The following ICAM1 variants were observed in gnomAD, a reference collection of about 807,000 sequenced individuals.
ICAM1 encodes intercellular adhesion molecule 1, also known as ICAM-1.
Under a neutral mutation model 42.3 loss-of-function variants are expected in ICAM1, and 28 were observed. The observed-to-expected ratio is 0.66, with a 90% confidence interval of 0.49 to 0.91. The LOEUF (loss-of-function observed/expected upper bound fraction) is 0.91. ICAM1 is among the 40% of genes least tolerant of loss of function. The probability of loss-of-function intolerance (pLI) is 0.00; values close to 1 mark genes in which losing one functional copy is unlikely to be tolerated. For missense variants in ICAM1, 637 were observed against 688.6 expected (o/e 0.93, Z 0.84); for synonymous variants, 304 against 305.9 (o/e 0.99, Z 0.07).
intron 2 of ICAM1, among the ~76,000 whole-genome samples, chr19:10,281,108 C>T (rs1393214266): frequency 2.0e-5 from 3 of 150,198 alleles, no homozygotes; most frequent in Non-Finnish European, 1.5e-5. Context: ...CTCCTGACCT[C>T]GTGATCCGCC....
chr19:10,284,195 A>C lies in ICAM1; in HGVS notation c.800A>C (p.Asn267Thr), dbSNP rs755625816. The C allele has an allele frequency of 5.0e-6, 8 of 1,613,998 alleles. No homozygotes were observed. Among genetic ancestry groups the C allele is most frequent in the Non-Finnish European group, 6.8e-6 (8 of 1,180,000 alleles). The change falls in exon 4 of 7, where the codon AAC becomes ACC. Residue 267 changes from asparagine to threonine, a missense_variant. By Grantham distance (65) the Asn-to-Thr change is moderately conservative. Coordinates refer to ENST00000264832, the MANE Select transcript of ICAM1 (RefSeq NM_000201.3). The surrounding 1 kb of genome is among the most constrained non-coding windows in gnomAD (Gnocchi z 5.4). The stretch of plus-strand genomic sequence containing the variant: ...TTGAACCCCACAGTCACCTATGGCA[A>C]CGACTCCTTCTCGGCCAAGGCCTCA... Reference protein sequence around the residue: ...QRLNPTVTYGNDSFSAKASVS... With the variant: ...QRLNPTVTYGTDSFSAKASVS...
intron 2 of ICAM1, 171 bp from the exon 3 acceptor site, chr19:10,283,310 G>A: frequency 1.7e-6 from 1 of 601,778 alleles, no homozygotes; most frequent in Non-Finnish European, 2.9e-6. Flanking sequence ...AAACACTCGG[G>A]GCCCTCTTAC....
In ICAM1 at chr19:10,274,703, C is replaced by T. The variant is rs536424478; in HGVS notation, c.68-62C>T. On this transcript the variant is annotated intron_variant, in intron 1 of 6. Transcript: ENST00000264832. ...CCTCCAGCACCCAGCACAGGCTGGG[C>T]GCACATTCCCTTGATGAACCTGATT... 317 of 1,556,400 alleles carry T rather than the reference C, an allele frequency of 2.0e-4. 5 individuals are homozygous for T. The South Asian group carries it at 3.4e-3, about 17-fold the overall frequency.
Position 10,285,692 on chromosome 19 carries a change from T to C in ICAM1, c.*405T>C, listed in dbSNP as rs1300456967. ...GACTTACAGAAGAAGTGGCCCTCCATAGACATGTGTAGCATCAAAACACAA... is the reference window on the plus strand; with the variant it reads ...GACTTACAGAAGAAGTGGCCCTCCACAGACATGTGTAGCATCAAAACACAA... On this transcript the variant is annotated 3_prime_UTR_variant, in exon 7 of 7. Transcript: ENST00000264832. 5.3e-6 allele frequency: 1 copy of C among 187,462 alleles called. No individual in the cohort carries two copies. The highest frequency in any genetic ancestry group is 5.4e-5 in the Admixed American group (1 of 18,570). The allele number at this position is 187,462 out of a possible 1,614,324, so 11.6% of individuals were successfully genotyped here.
intron 2 of ICAM1, among the ~76,000 whole-genome samples, chr19:10,276,800 C>A (rs62130661): frequency 6.6e-6 from 1 of 151,164 alleles, no homozygotes; most frequent in African/African-American, 2.4e-5. Context: ...GGAGAAACCC[C>A]GTCTCTATTA....
chr19:10,281,095 G>C (rs185855646), intron 2 of ICAM1, among the ~76,000 whole-genome samples: 4,497 of 150,730 alleles, frequency 0.03, 99 homozygotes, highest in Non-Finnish European at 0.04. Flanking sequence ...GGATGGTCTT[G>C]ATCTCCTGAC....
intron 2 of ICAM1, among the ~76,000 whole-genome samples, chr19:10,276,517 C>T (rs2040018162): frequency 6.8e-6 from 1 of 146,496 alleles, no homozygotes; most frequent in Non-Finnish European, 1.5e-5. Context: ...TGCACTCCAG[C>T]CTGGGCGACA....
intron 2 of ICAM1, among the ~76,000 whole-genome samples, chr19:10,276,709 C>A (rs910186809): frequency 1.3e-5 from 2 of 151,996 alleles, no homozygotes; most frequent in African/African-American, 2.4e-5. Flanking sequence ...CGGTGGCTCA[C>A]GCCTGTAATC....
At position 10,285,516 on chromosome 19, in the gene ICAM1, A is replaced by C. The variant is rs1306614586; in HGVS notation, c.*229A>C. The C allele has an allele frequency of 3.7e-6, 2 of 545,928 alleles. No individual in the cohort carries two copies. The highest frequency in any genetic ancestry group is 6.5e-6 in the Non-Finnish European group (2 of 306,812). The allele number at this position is 545,928 out of a possible 1,614,324, so 33.8% of individuals were successfully genotyped here. ...TCTGTAGTCACATGACTAAGCCAAGAGGAAGGAGCAAGACTCAAGACATGA... is the reference window on the plus strand; with the variant it reads ...TCTGTAGTCACATGACTAAGCCAAGCGGAAGGAGCAAGACTCAAGACATGA... On this transcript the variant is annotated 3_prime_UTR_variant, in exon 7 of 7. Coordinates refer to ENST00000264832, the MANE Select transcript of ICAM1 (RefSeq NM_000201.3).
Position 10,285,426 on chromosome 19 carries a change from G to A in ICAM1, c.*139G>A. The A allele has an allele frequency of 1.3e-6, 1 of 747,640 alleles. No individual in the cohort carries two copies. Among genetic ancestry groups the A allele is most frequent in the Non-Finnish European group, 2.2e-6 (1 of 458,876 alleles). 46.3% of individuals were successfully genotyped at this position (747,640 alleles called of 1,614,324 possible). A position where few individuals can be genotyped will look rare whatever the true frequency, so the allele number is the denominator to read the frequency against. ...GCCGGAGGACAGGGCATTGTCCTCA[G>A]TCAGATACAACAGCATTTGGGGCCA... is the stretch of plus-strand genomic sequence containing the variant. On this transcript the variant is annotated 3_prime_UTR_variant, in exon 7 of 7. Transcript: ENST00000264832.
Position 10,285,005 on chromosome 19 carries a change from G to A in ICAM1, c.1403G>A (p.Arg468His), listed in dbSNP as rs200230807. Residue 468 changes from arginine (R) to histidine (H), a missense_variant, in exon 6 of 7, where the codon CGC becomes CAC. By Grantham distance (29) the Arg-to-His change is conservative (BLOSUM62 0). Coordinates refer to ENST00000264832, the MANE Select transcript of ICAM1 (RefSeq NM_000201.3). ...AGGAGCACTCAAGGGGAGGTCACCC[G>A]CAAGGTGACCGTGAATGTGCTCTGT... ...RARSTQGEVT[R>H]KVTVNVLSPR... The A allele has an allele frequency of 7.2e-5, 116 of 1,613,634 alleles. No individual in the cohort carries two copies. The highest frequency in any genetic ancestry group is 9.5e-5 in the Non-Finnish European group (112 of 1,179,842).
chr19:10,281,106 C>T (rs1251408874), intron 2 of ICAM1, among the ~76,000 whole-genome samples: 4 of 151,740 alleles, frequency 2.6e-5, no homozygotes, highest in East Asian at 1.9e-4. Context: ...ATCTCCTGAC[C>T]TCGTGATCCG....
Position 10,284,029 on chromosome 19 carries a change from C to T in ICAM1, c.638-4C>T, listed in dbSNP as rs1382392640. On this transcript the variant is annotated splice_region_variant and splice_polypyrimidine_tract_variant and intron_variant, in intron 3 of 6. Coordinates refer to ENST00000264832, the MANE Select transcript of ICAM1 (RefSeq NM_000201.3). The surrounding 1 kb of genome is among the most constrained non-coding windows in gnomAD (Gnocchi z 5.4). ...GTCTGCTCACACCTTTCTTCTCTCC[C>T]TAGTCCTGCCAGCGACTCCCCCACA... The T allele has an allele frequency of 3.1e-6, 5 of 1,612,098 alleles. No individual in the cohort carries two copies. Among genetic ancestry groups the T allele is most frequent in the African/African-American group, 1.3e-5 (1 of 74,882 alleles).
At chr19:10,283,957 A>T in intron 3 of ICAM1, 76 bp from the exon 4 acceptor site, 2 of 1,520,242 alleles carry the variant, frequency 1.3e-6, no homozygotes, top group Non-Finnish European at 9.0e-7. Context: ...ATCTCGCAGG[A>T]GGGGGAATGA....
rs750681772 is a variant in ICAM1, at chr19:10,284,133, G to A, written c.738G>A (p.Ser246=). The A allele has an allele frequency of 5.0e-6, 8 of 1,613,948 alleles. No homozygotes were observed. The highest frequency in any genetic ancestry group is 1.6e-4 in the Middle Eastern group (1 of 6,084). ...VCSLDGLFPV[S]EAQVHLALGD... is the part of the protein sequence containing the mutation. ...CCCTGGACGGGCTGTTCCCAGTCTCGGAGGCCCAGGTCCACCTGGCACTGG... is the reference window on the plus strand; with the variant it reads ...CCCTGGACGGGCTGTTCCCAGTCTCAGAGGCCCAGGTCCACCTGGCACTGG... The change falls in exon 4 of 7, where the codon TCG becomes TCA. Residue 246 remains serine (S), a synonymous_variant. Transcript: ENST00000264832. The surrounding 1 kb of genome is among the most constrained non-coding windows in gnomAD (Gnocchi z 5.4).
In ICAM1 at chr19:10,284,723, G is replaced by T. The variant is rs566452955; in HGVS notation, c.1181-60G>T. 1 of 1,608,948 alleles carries T rather than the reference G, an allele frequency of 6.2e-7. No homozygotes were observed. The highest frequency in any genetic ancestry group is 1.7e-5 in the Admixed American group (1 of 57,788). ...CCCAATCTCCCTGAAGGTCCCATAAGGTCTTGCCTCCAAGTCCTGCCCCCA... is the reference window on the plus strand; with the variant it reads ...CCCAATCTCCCTGAAGGTCCCATAATGTCTTGCCTCCAAGTCCTGCCCCCA... On this transcript the variant is annotated intron_variant, in intron 5 of 6. Transcript: ENST00000264832. The surrounding 1 kb of genome is among the most constrained non-coding windows in gnomAD (Gnocchi z 5.4).
At chr19:10,283,017 C>T (rs2040072676) in intron 2 of ICAM1, 1 of 151,702 alleles carries the variant, frequency 6.6e-6, no homozygotes, top group Non-Finnish European at 1.5e-5. Context: ...AGTCTAAAAA[C>T]TTAATTAATT....
At chr19:10,276,656 C>T (rs189323046) in intron 2 of ICAM1, among the ~76,000 whole-genome samples, 3 of 150,638 alleles carry the variant, frequency 2.0e-5, no homozygotes, top group East Asian at 2.0e-4. Flanking sequence ...AACCCTGTGG[C>T]GGGAAATTGG....
In ICAM1 at chr19:10,275,022, G is replaced by C; in HGVS notation, c.325G>C (p.Val109Leu). The C allele has an allele frequency of 6.2e-7, 1 of 1,613,406 alleles. No homozygotes were observed. The highest frequency in any genetic ancestry group is 8.5e-7 in the Non-Finnish European group (1 of 1,180,000). The change falls in exon 2 of 7, where the codon GTG (valine) becomes CTG (leucine). Residue 109 changes from valine to leucine, a missense_variant. Transcript: ENST00000264832. ...GQSTAKTFLT[V>L]YWTPERVELA... is the part of the protein sequence containing the mutation. ...GTCAACAGCTAAAACCTTCCTCACC[G>C]TGTACTGTGAGTAACTGAGCCCGGA...
Sources: allele counts gnomAD v4.1 joint callset (sites outside exome capture counted in the v4.1 genomes callset), GRCh38; gene constraint gnomAD v4.1.1; non-coding constraint Gnocchi (gnomAD v3.1); transcripts MANE v1.5; gene names NCBI Gene and HGNC (gene_info 2026-07-23, HGNC 2026-07-21).